CUX1: variants seen among roughly 807,000 people sequenced by gnomAD.
The protein encoded by CUX1 is cut like homeobox 1.
CUX1 carries 31 observed loss-of-function variants against 158.8 expected under a neutral mutation model. The observed-to-expected ratio is 0.20, with a 90% CI of 0.15 to 0.26. The LOEUF (loss-of-function observed/expected upper bound fraction) is 0.26. Ranked by LOEUF, CUX1 falls within the 10% of genes least tolerant of loss-of-function variation. The pLI is 1.00. For synonymous variants in CUX1, 879 were observed against 862.1 expected (o/e 1.02, Z -0.34); for missense variants, 1,589 against 2,014.6 (o/e 0.79, Z 4.04).
downstream of CUX1, among the ~76,000 whole-genome samples, chr7:102,260,718 C>A (rs1402415009): frequency 1.3e-5 from 2 of 151,942 alleles, no homozygotes; most frequent in African/African-American, 4.8e-5. Flanking sequence ...GCCACCATAC[C>A]CAGCCGCGTT....
intron 2 of CUX1, among the ~76,000 whole-genome samples, chr7:102,011,734 G>C (rs1364234601): frequency 6.6e-6 from 1 of 152,038 alleles, no homozygotes; most frequent in Non-Finnish European, 1.5e-5. Flanking sequence ...CGGTGGAGTC[G>C]GTACCTAACC....
intron 3 of CUX1, among the ~76,000 whole-genome samples, chr7:102,030,485 T>C (rs183592113): frequency 5.2e-4 from 79 of 151,322 alleles, no homozygotes; most frequent in African/African-American, 1.9e-3. Context: ...ATTATTAGCA[T>C]TCTCCTACAT....
intron 1 of CUX1, among the ~76,000 whole-genome samples, chr7:101,831,414 C>T (rs1793994021): frequency 6.6e-6 from 1 of 152,080 alleles, no homozygotes; most frequent in Admixed American, 6.5e-5. Flanking sequence ...TCTCAGCCTC[C>T]TGAATGGTTG....
intron 3 of CUX1, among the ~76,000 whole-genome samples, chr7:102,068,546 G>A (rs976691430): frequency 1.3e-5 from 2 of 152,154 alleles, no homozygotes; most frequent in African/African-American, 4.8e-5. Context: ...GCGCTAGGCT[G>A]CTATGTGTTC....
At chr7:102,085,229 T>C (rs1216170700) in intron 4 of CUX1, among the ~76,000 whole-genome samples, 3 of 152,252 alleles carry the variant, frequency 2.0e-5, no homozygotes, top group Non-Finnish European at 4.4e-5. Flanking sequence ...CCATGCATTT[T>C]ATGCATAATA....
At chr7:102,151,122 T>C (rs1376340230) in intron 8 of CUX1, among the ~76,000 whole-genome samples, 1 of 152,236 alleles carries the variant, frequency 6.6e-6, no homozygotes, top group African/African-American at 2.4e-5. Context: ...AATTCATTAC[T>C]GCGCTTCCAA....
At chr7:102,097,577 C>T (rs1829332919) in intron 5 of CUX1, 76 bp downstream of exon 5, 1 of 1,453,166 alleles carries the variant, frequency 6.9e-7, no homozygotes, top group Non-Finnish European at 9.2e-7. Context: ...TGGCTTTTCC[C>T]ATACTTTTGA....
At chr7:102,258,357 C>A, downstream of CUX1, 1 of 192,328 alleles carries the variant, frequency 5.2e-6, no homozygotes, top group Non-Finnish European at 9.5e-6. Flanking sequence ...TTGCACCTGT[C>A]CGCAGGTCCT....
chr7:101,984,148 ATGTG>A (rs71119798), intron 2 of CUX1, among the ~76,000 whole-genome samples: 1,235 of 75,284 alleles, frequency 0.016, 84 homozygotes, highest in African/African-American at 0.055. Context: ...ACATATATAT[ATGTG>A]TGTGTGTGTG....
chr7:102,282,349 G>A (rs999231807), intron 21 of CUX1, among the ~76,000 whole-genome samples: 4 of 152,172 alleles, frequency 2.6e-5, no homozygotes, highest in Admixed American at 1.3e-4. Context: ...TGTCTGCCAA[G>A]TTGGGGGAGA....
Position 102,043,323 on chromosome 7 carries a change from C to CTGTGTGTGTGTG in CUX1, c.189+15214_189+15225dup, listed in dbSNP as rs57276921. On this transcript the variant is annotated intron_variant, in intron 3 of 23. Transcript: ENST00000292535. The stretch of plus-strand genomic sequence containing the variant: ...ATCTGACAACATACCCATTAGCTCA[C>CTGTGTGTGTGTG]TGTGTGTGTGTGTGTGTGTGTGTGT... Among the ~76,000 whole-genome samples, 1,154 of 139,134 alleles carry CTGTGTGTGTGTG rather than the reference C, an allele frequency of 8.3e-3. 10 individuals are homozygous for CTGTGTGTGTGTG. The highest frequency in any genetic ancestry group is 0.02 in the African/African-American group (756 of 37,616). 91.3% of individuals were successfully genotyped at this position (139,134 alleles called of 152,430 possible).
intron 8 of CUX1, among the ~76,000 whole-genome samples, chr7:102,148,552 CAAACAAAA>C (rs1554502709): frequency 6.6e-6 from 1 of 151,124 alleles, no homozygotes; most frequent in Non-Finnish European, 1.5e-5. Context: ...CAAAAACAAA[CAAACAAAA>C]AAACAAAAAA....
Position 102,257,652 on chromosome 7 carries a change from G to A in CUX1, c.*8610G>A. On this transcript the variant is annotated 3_prime_UTR_variant, in exon 24 of 24. Transcript: ENST00000292535. Reference sequence around the variant, plus strand: ...CCTGTCCAGACTACTAACAGCACAAGACGCACTCACAGGGTGGCGGAATCT... The same window carrying A: ...CCTGTCCAGACTACTAACAGCACAAAACGCACTCACAGGGTGGCGGAATCT... The A allele has an allele frequency of 1.0e-6, 1 of 985,418 alleles. No homozygotes were observed. Among genetic ancestry groups the A allele is most frequent in the Non-Finnish European group, 1.2e-6 (1 of 829,932 alleles). 61.0% of individuals were successfully genotyped at this position (985,418 alleles called of 1,614,324 possible). A position where few individuals can be genotyped will look rare whatever the true frequency, so the allele number is the denominator to read the frequency against.
chr7:102,110,429 TATTA>T (rs1830760664), intron 6 of CUX1, among the ~76,000 whole-genome samples: 1 of 152,214 alleles, frequency 6.6e-6, no homozygotes, highest in Non-Finnish European at 1.5e-5. Flanking sequence ...GCATGTTACA[TATTA>T]GTTTGTATTA....
intron 8 of CUX1, among the ~76,000 whole-genome samples, chr7:102,132,043 A>G (rs1554497337): frequency 6.6e-6 from 1 of 152,126 alleles, no homozygotes; most frequent in Non-Finnish European, 1.5e-5. Context: ...TTAGGTGTAT[A>G]TTTATATAAT....
Position 102,283,082 on chromosome 7 carries a change from TG to T in CUX1, c.2031del (p.Trp677CysfsTer10). On this transcript the variant is annotated frameshift_variant, in exon 23 of 23. Transcript: ENST00000292538. LOFTEE classifies it high-confidence loss of function. ...CAACGGGGCTGCGGCTGGTGACTTG[TG>T]GCAGTGATACCCCGGGGCCTCCCCC... The T allele has an allele frequency of 6.2e-7, 1 of 1,613,486 alleles. No individual in the cohort carries two copies. Among genetic ancestry groups the T allele is most frequent in the Non-Finnish European group, 8.5e-7 (1 of 1,179,746 alleles).
chr7:101,965,968 G>A (rs1037500221), intron 2 of CUX1, among the ~76,000 whole-genome samples: 6 of 152,052 alleles, frequency 3.9e-5, no homozygotes, highest in African/African-American at 1.2e-4. Context: ...AGCAGAAAAC[G>A]TGTTTCTGAA....
chr7:102,067,557 A>G (rs1248929424), intron 3 of CUX1, among the ~76,000 whole-genome samples: 1 of 148,642 alleles, frequency 6.7e-6, no homozygotes, highest in Non-Finnish European at 1.5e-5. Flanking sequence ...TTTTTTTTAT[A>G]TAATTAGGAA....
intron 3 of CUX1, among the ~76,000 whole-genome samples, chr7:102,044,554 T>A (rs568758849): frequency 3.3e-5 from 5 of 152,140 alleles, no homozygotes; most frequent in African/African-American, 1.2e-4. Flanking sequence ...TTCCCCTCTT[T>A]CCAGCCTGCT....
Sources: gnomAD v4.1 joint callset for allele counts (sites outside exome capture counted in the v4.1 genomes callset) on GRCh38, gnomAD v4.1.1 for gene constraint, MANE v1.5 for transcripts, NCBI Gene and HGNC (gene_info 2026-07-23, HGNC 2026-07-21) for gene names.